The following ATG5 variants were observed in gnomAD, a reference collection of about 807,000 sequenced individuals.
The protein encoded by ATG5 is autophagy protein 5.
Under a neutral mutation model 36.5 loss-of-function variants are expected in ATG5, and 14 were observed. The ratio of observed to expected loss-of-function variants is 0.38; its 90% CI spans 0.25 to 0.60. The LOEUF (loss-of-function observed/expected upper bound fraction) is 0.60. ATG5 is among the 20% of genes least tolerant of loss of function. ATG5 has a pLI of 0.60. For missense variants in ATG5, 195 were observed against 326.7 expected (o/e 0.60, Z 3.11); for synonymous variants, 95 against 101.5 (o/e 0.94, Z 0.38).
intron 7 of ATG5, among the ~76,000 whole-genome samples, chr6:106,189,208 T>C (rs151111639): frequency 6.4e-4 from 98 of 152,210 alleles, no homozygotes; most frequent in Non-Finnish European, 1.9e-4. Context: ...AACAACAAAG[T>C]AAAAAATGTT....
chr6:106,317,434 T>C (rs1458355634), intron 1 of ATG5, among the ~76,000 whole-genome samples: 2 of 152,072 alleles, frequency 1.3e-5, no homozygotes, highest in Non-Finnish European at 2.9e-5. Context: ...ACCAATGACA[T>C]TAAGATGGTA....
At chr6:106,256,597 C>CTAGAGAGTACAGATTACTACACAA (rs550034751) in intron 5 of ATG5, among the ~76,000 whole-genome samples, 142 of 152,206 alleles carry the variant, frequency 9.3e-4, no homozygotes, top group African/African-American at 3.3e-3. Flanking sequence ...CTTAGAAAAC[C>CTAGAGAGTACAGATTACTACACAA]TAGAGAGTAC....
At chr6:106,253,920 G>A (rs1273297720) in intron 5 of ATG5, among the ~76,000 whole-genome samples, 1 of 152,132 alleles carries the variant, frequency 6.6e-6, no homozygotes, top group Non-Finnish European at 1.5e-5. Context: ...TAAATAATGT[G>A]AGTAACAAAA....
chr6:106,243,456 A>C (rs1406801458), intron 6 of ATG5, among the ~76,000 whole-genome samples: 1 of 151,852 alleles, frequency 6.6e-6, no homozygotes, highest in Non-Finnish European at 1.5e-5. Flanking sequence ...TGAGCCGGGA[A>C]GGCAGAGGCT....
chr6:106,305,520 AAG>A (rs1232082818), intron 3 of ATG5, among the ~76,000 whole-genome samples: 1 of 152,018 alleles, frequency 6.6e-6, no homozygotes, highest in Non-Finnish European at 1.5e-5. Context: ...CAAGGTTATA[AAG>A]AGAGAAGAAA....
Position 106,186,656 on chromosome 6 carries a change from C to G in ATG5, c.712G>C (p.Val238Leu), listed in dbSNP as rs1356561310. ...DPEDGEKKNQ[V>L]MIHGIEPMLE... ...ATTGGCTCAATTCCATGAATCATCA[C>G]TTGATTCTTTTTTTCCCCATCTATT... The change falls in exon 8 of 8, where the codon GTG (valine) becomes CTG (leucine). Residue 238 changes from valine (V) to leucine (L), a missense_variant. Transcript: ENST00000369076. 6.2e-7 allele frequency: 1 copy of G among 1,613,658 alleles called. No homozygotes were observed. Among genetic ancestry groups the G allele is most frequent in the African/African-American group, 1.3e-5 (1 of 75,046 alleles).
At chr6:106,202,886 C>T (rs1293742554) in intron 6 of ATG5, among the ~76,000 whole-genome samples, 1 of 152,158 alleles carries the variant, frequency 6.6e-6, no homozygotes, top group East Asian at 1.9e-4. Flanking sequence ...TGGTCTCAAA[C>T]TCCTGAGCTC....
chr6:106,245,650 A>G (rs1375741932), intron 6 of ATG5, among the ~76,000 whole-genome samples: 1 of 152,166 alleles, frequency 6.6e-6, no homozygotes, highest in Non-Finnish European at 1.5e-5. Context: ...GGTTATGCAG[A>G]AATTCTATTA....
intron 7 of ATG5, among the ~76,000 whole-genome samples, chr6:106,194,918 GA>G (rs995537036): frequency 3.3e-5 from 5 of 152,198 alleles, no homozygotes; most frequent in Middle Eastern, 3.4e-3. Flanking sequence ...AATGTACAAA[GA>G]AAAAAATATT....
intron 6 of ATG5, among the ~76,000 whole-genome samples, chr6:106,243,800 C>A (rs1451971177): frequency 6.8e-6 from 1 of 147,432 alleles, no homozygotes; most frequent in Non-Finnish European, 1.5e-5. Flanking sequence ...TAGTGCACTC[C>A]AGCCTGGGCG....
intron 5 of ATG5, among the ~76,000 whole-genome samples, chr6:106,251,489 G>C (rs1778571929): frequency 6.7e-6 from 1 of 148,302 alleles, no homozygotes; most frequent in African/African-American, 2.5e-5. Context: ...CCACTGATTA[G>C]GCCCAAATAC....
intron 3 of ATG5, among the ~76,000 whole-genome samples, chr6:106,307,662 A>G (rs1028518080): frequency 3.3e-5 from 5 of 150,882 alleles, no homozygotes; most frequent in African/African-American, 1.2e-4. Flanking sequence ...TCAGCCTCCC[A>G]AATAGCCCGG....
At chr6:106,321,908 AAAT>A (rs1582699316) in intron 1 of ATG5, among the ~76,000 whole-genome samples, 1 of 152,168 alleles carries the variant, frequency 6.6e-6, no homozygotes, top group Non-Finnish European at 1.5e-5. Flanking sequence ...AATTTTTGTT[AAAT>A]AATGGGGAAA....
chr6:106,276,301 A>G (rs1374804657), intron 5 of ATG5, among the ~76,000 whole-genome samples: 3 of 152,062 alleles, frequency 2.0e-5, no homozygotes, highest in African/African-American at 7.2e-5. Context: ...CGTCTCTACT[A>G]AAAATACAAA....
chr6:106,294,162 C>A (rs1239705463), intron 3 of ATG5, among the ~76,000 whole-genome samples: 2 of 151,806 alleles, frequency 1.3e-5, no homozygotes, highest in Non-Finnish European at 2.9e-5. Flanking sequence ...CCTGTACTCA[C>A]AACAAGGGCA....
At chr6:106,310,748 T>C (rs1770615351) in intron 2 of ATG5, among the ~76,000 whole-genome samples, 1 of 152,186 alleles carries the variant, frequency 6.6e-6, no homozygotes. Flanking sequence ...TTACTTTCTA[T>C]CTCTATGAAT....
At chr6:106,284,426 G>A (rs1434694137) in intron 4 of ATG5, among the ~76,000 whole-genome samples, 1 of 152,096 alleles carries the variant, frequency 6.6e-6, no homozygotes, top group Non-Finnish European at 1.5e-5. Flanking sequence ...ATGCCATCAG[G>A]AATCACTGCT....
intron 5 of ATG5, among the ~76,000 whole-genome samples, chr6:106,269,316 G>A (rs1461661291): frequency 6.6e-6 from 1 of 152,234 alleles, no homozygotes; most frequent in Non-Finnish European, 1.5e-5. Flanking sequence ...TAGACATAAA[G>A]GTTCTCCACG....
chr6:106,209,939 G>C (rs1776793949), intron 6 of ATG5, among the ~76,000 whole-genome samples: 1 of 152,150 alleles, frequency 6.6e-6, no homozygotes, highest in Admixed American at 6.5e-5. Context: ...TTATCACCTG[G>C]ATCTTATTAA....
Sources: gnomAD v4.1 joint callset for allele counts (sites outside exome capture counted in the v4.1 genomes callset) on GRCh38, gnomAD v4.1.1 for gene constraint, MANE v1.5 for transcripts, NCBI Gene and HGNC (gene_info 2026-07-23, HGNC 2026-07-21) for gene names.